The following NAE1 variants were observed in gnomAD, a reference collection of about 807,000 sequenced individuals.
NAE1 encodes the protein NEDD8 activating enzyme E1 subunit 1.
Under a neutral mutation model 88.0 loss-of-function variants are expected in NAE1, and 59 were observed. That is an observed-to-expected ratio of 0.67 (90% CI 0.54 to 0.83). The LOEUF (loss-of-function observed/expected upper bound fraction) is 0.83, where lower values mean the gene tolerates loss of function less well. NAE1 is among the 40% of genes least tolerant of loss of function. The pLI is 0.00. For missense variants in NAE1, 554 were observed against 632.8 expected (o/e 0.88, Z 1.34); for synonymous variants, 186 against 208.9 (o/e 0.89, Z 0.95).
chr16:66,812,694 T>C lies in NAE1; in HGVS notation c.1034+870A>G, dbSNP rs188952218. Reference sequence around the variant, plus strand: ...CACCACACCTGGCTAATTTTTTGTATTTTTTTAGTAGAGACAGGGTTTCAC... The same window carrying C: ...CACCACACCTGGCTAATTTTTTGTACTTTTTTAGTAGAGACAGGGTTTCAC... On this transcript the variant is annotated intron_variant, in intron 13 of 19. Transcript: ENST00000290810. 1.9e-3 allele frequency among the ~76,000 whole-genome samples: 285 copies of C among 150,260 alleles called. 1 individual carries two copies. Among genetic ancestry groups the C allele is most frequent in the African/African-American group, 6.6e-3 (269 of 40,906 alleles).
At chr16:66,809,155 G>T in intron 15 of NAE1, 80 bp from the exon 16 acceptor site, 1 of 1,052,562 alleles carries the variant, frequency 9.5e-7, no homozygotes, top group Admixed American at 1.9e-5. Flanking sequence ...TAAGAACAGA[G>T]AATTATGTGT....
At chr16:66,807,746 A>G (rs1438283682) in intron 17 of NAE1, among the ~76,000 whole-genome samples, 2 of 152,188 alleles carry the variant, frequency 1.3e-5, no homozygotes, top group Admixed American at 1.3e-4. Context: ...AATCCTGCAC[A>G]ATTAAAATTA....
intron 19 of NAE1, among the ~76,000 whole-genome samples, chr16:66,804,683 G>A (rs1229234204): frequency 6.6e-6 from 1 of 152,114 alleles, no homozygotes; most frequent in Non-Finnish European, 1.5e-5. Context: ...AAATTCATAT[G>A]TTGAAATCCT....
intron 9 of NAE1, 123 bp from the exon 10 acceptor site, chr16:66,817,151 C>CA: frequency 7.7e-7 from 1 of 1,302,964 alleles, no homozygotes; most frequent in Non-Finnish European, 1.0e-6. Flanking sequence ...TCTGTGAAAT[C>CA]AGAGGCTCAC....
At chr16:66,828,158 G>A (rs1300161595) in intron 1 of NAE1, 32 of 1,038,952 alleles carry the variant, frequency 3.1e-5, no homozygotes, top group African/African-American at 4.7e-5. Flanking sequence ...ATATATGGTT[G>A]ATGGATGCTT....
intron 1 of NAE1, chr16:66,828,075 C>T (rs771846300): frequency 1.5e-4 from 247 of 1,611,488 alleles, no homozygotes; most frequent in Non-Finnish European, 1.9e-4. Context: ...ATGGAGGAAT[C>T]GCCTAGAAGA....
chr16:66,817,165 A>G, intron 9 of NAE1, 137 bp from the exon 10 acceptor site: 1 of 1,218,646 alleles, frequency 8.2e-7, no homozygotes, highest in Non-Finnish European at 1.1e-6. Context: ...GGCTCACTTG[A>G]TAGAAAACAG....
intron 13 of NAE1, 38 bp downstream of exon 13, chr16:66,813,524 CAG>C: frequency 1.3e-6 from 2 of 1,561,542 alleles, no homozygotes; most frequent in Non-Finnish European, 1.7e-6. Flanking sequence ...CTAATATAAT[CAG>C]ACTTTTTCTA....
intron 3 of NAE1, among the ~76,000 whole-genome samples, chr16:66,825,419 C>T (rs918745383): frequency 1.3e-5 from 2 of 150,536 alleles, no homozygotes; most frequent in African/African-American, 4.9e-5. Flanking sequence ...GGCACTCCAG[C>T]CTGGGCGACA....
chr16:66,806,278 G>A, intron 17 of NAE1: 1 of 318,468 alleles, frequency 3.1e-6, no homozygotes, highest in Non-Finnish European at 5.7e-6. Flanking sequence ...AAAAGCATCT[G>A]GCACATAGTG....
chr16:66,802,929 A>G lies in NAE1; in HGVS notation c.*80T>C, dbSNP rs1959408211. Reference sequence around the variant, plus strand: ...GAAAACAATTTAGCAGCTCTCCTTTAGAATTTTACAGACTAAAGCACAACC... The same window carrying G: ...GAAAACAATTTAGCAGCTCTCCTTTGGAATTTTACAGACTAAAGCACAACC... On this transcript the variant is annotated 3_prime_UTR_variant, in exon 20 of 20. Transcript: ENST00000290810. The G allele has an allele frequency of 1.2e-6, 1 of 845,268 alleles. No individual in the cohort carries two copies. Among genetic ancestry groups the G allele is most frequent in the Admixed American group, 2.2e-5 (1 of 44,952 alleles). 52.4% of individuals were successfully genotyped at this position (845,268 alleles called of 1,614,324 possible).
At chr16:66,814,994 C>G (rs1432569594) in intron 11 of NAE1, among the ~76,000 whole-genome samples, 1 of 152,170 alleles carries the variant, frequency 6.6e-6, no homozygotes, top group Non-Finnish European at 1.5e-5. Flanking sequence ...AAAGCTCTTC[C>G]ACCAGACCTC....
At position 66,830,844 on chromosome 16, in the gene NAE1, C is replaced by A; in HGVS notation, c.53+3G>T. Reference sequence around the variant, plus strand: ...GCCCTCGGCTCGGTGAGCCTCGGCTCACCTCAGCTGCCGGTCGTACTTCTG... The same window carrying A: ...GCCCTCGGCTCGGTGAGCCTCGGCTAACCTCAGCTGCCGGTCGTACTTCTG... On this transcript the variant is annotated splice_donor_region_variant and intron_variant, in intron 1 of 19. Coordinates refer to ENST00000290810, the MANE Select transcript of NAE1 (RefSeq NM_003905.4). 6.6e-7 allele frequency: 1 copy of A among 1,517,348 alleles called. No individual in the cohort carries two copies. The highest frequency in any genetic ancestry group is 1.2e-5 in the South Asian group (1 of 81,970). 94.0% of individuals were successfully genotyped at this position (1,517,348 alleles called of 1,614,324 possible).
intron 11 of NAE1, among the ~76,000 whole-genome samples, chr16:66,815,947 A>G (rs1960027032): frequency 6.6e-6 from 1 of 151,940 alleles, no homozygotes; most frequent in South Asian, 2.1e-4. Flanking sequence ...TACAGGTGTG[A>G]GCCACCGCGC....
Position 66,823,319 on chromosome 16 carries a change from G to A in NAE1, c.322-13C>T. On this transcript the variant is annotated splice_polypyrimidine_tract_variant and intron_variant, in intron 5 of 19. Coordinates refer to ENST00000290810, the MANE Select transcript of NAE1 (RefSeq NM_003905.4). The stretch of plus-strand genomic sequence containing the variant: ...GGTTTTCTGGACTCTAAACAGGACA[G>A]CAAAGAAAAAAACAAACAAAAAAAA... The A allele has an allele frequency of 6.4e-7, 1 of 1,570,956 alleles. No homozygotes were observed. Among genetic ancestry groups the A allele is most frequent in the Non-Finnish European group, 8.6e-7 (1 of 1,161,466 alleles).
chr16:66,823,201 A>G (rs1320671177), intron 6 of NAE1, 26 bp downstream of exon 6: 1 of 1,397,076 alleles, frequency 7.2e-7, no homozygotes, highest in South Asian at 1.3e-5. Context: ...AGATTAAAAT[A>G]AAAACATATT....
At chr16:66,803,173 C>A in intron 19 of NAE1, 55 bp from the exon 20 acceptor site, 1 of 1,192,976 alleles carries the variant, frequency 8.4e-7, no homozygotes, top group South Asian at 1.3e-5. Flanking sequence ...TCAAGAGTTA[C>A]ATACTCAATT....
chr16:66,808,894 A>C, intron 16 of NAE1, 95 bp downstream of exon 16: 8 of 734,118 alleles, frequency 1.1e-5, no homozygotes, highest in Non-Finnish European at 1.7e-5. Context: ...TATCTTTAAT[A>C]TCATCACCAT....
chr16:66,809,432 A>C (rs1959697392), intron 15 of NAE1, among the ~76,000 whole-genome samples: 1 of 152,254 alleles, frequency 6.6e-6, no homozygotes, highest in African/African-American at 2.4e-5. Context: ...GGCTCTAAAA[A>C]TAATAGTTTT....
Sources: allele counts gnomAD v4.1 joint callset (sites outside exome capture counted in the v4.1 genomes callset), GRCh38; gene constraint gnomAD v4.1.1; transcripts MANE v1.5; gene names NCBI Gene and HGNC (gene_info 2026-07-23, HGNC 2026-07-21).